BCOR: variants seen among roughly 807,000 people sequenced by gnomAD.
BCOR encodes BCL-6 corepressor.
A neutral mutation model predicts 86.7 loss-of-function variants in BCOR; 10 were observed. The observed-to-expected ratio is 0.12, with a 90% CI of 0.07 to 0.20. BCOR has a LOEUF of 0.20. Among genes scored for constraint, BCOR ranks in the 10% least tolerant of loss-of-function variants. The pLI is 1.00. For synonymous variants in BCOR, 611 were observed against 609.0 expected (o/e 1.00, Z -0.05); for missense variants, 1,259 against 1,452.1 (o/e 0.87, Z 2.16).
chrX:40,053,743 A>G, intron 14 of BCOR, 143 bp downstream of exon 14: 1 of 684,299 alleles, frequency 1.5e-6, no homozygotes, highest in Non-Finnish European at 2.3e-6. Context: ...TTTCTGGAAA[A>G]TATCTACTGC....
chrX:40,156,303 T>A (rs1037178978), intron 1 of BCOR, among the ~76,000 whole-genome samples: 5 of 111,464 alleles, frequency 4.5e-5, no homozygotes, highest in African/African-American at 1.6e-4. Flanking sequence ...CGGACTGGGC[T>A]GAGCCTGGCG....
At chrX:40,139,400 T>TAC (rs1555935919) in intron 1 of BCOR, among the ~76,000 whole-genome samples, 1 of 17,554 alleles carries the variant, frequency 5.7e-5, no homozygotes, top group Admixed American at 1.1e-3. Context: ...TATACATATA[T>TAC]ATATATATAT....
intron 1 of BCOR, among the ~76,000 whole-genome samples, chrX:40,114,940 C>A (rs1289668554): frequency 9.7e-6 from 1 of 102,592 alleles, no homozygotes. Flanking sequence ...GCACGCTCCA[C>A]CTCCCGGGTT....
intron 1 of BCOR, among the ~76,000 whole-genome samples, chrX:40,117,112 C>T (rs12835931): frequency 9.8e-5 from 11 of 112,433 alleles, no homozygotes; most frequent in Admixed American, 6.6e-4. Context: ...GATCTGACAC[C>T]GATGATTAAT....
chrX:40,100,460 G>A (rs1250614594), upstream of BCOR, among the ~76,000 whole-genome samples: 2 of 112,470 alleles, frequency 1.8e-5, no homozygotes, highest in Non-Finnish European at 3.8e-5. Context: ...GTTCGAAGTC[G>A]CATGTAAACG....
At chrX:40,093,942 G>T (rs753731818) in intron 1 of BCOR, among the ~76,000 whole-genome samples, 2 of 111,468 alleles carry the variant, frequency 1.8e-5, no homozygotes, top group African/African-American at 3.3e-5. Context: ...GGTCAAACTA[G>T]ATCATCTAGC....
At chrX:40,071,962 C>A in intron 4 of BCOR, 2 of 391,220 alleles carry the variant, frequency 5.1e-6, no homozygotes, top group Non-Finnish European at 8.8e-6. Context: ...AGACATGCGG[C>A]TGCTACACAT....
chrX:40,129,476 G>A (rs1937580342), intron 1 of BCOR, among the ~76,000 whole-genome samples: 1 of 90,336 alleles, frequency 1.1e-5, no homozygotes, highest in South Asian at 4.7e-4. Flanking sequence ...GTGAGACTCC[G>A]TCTCAAAAAA....
intron 4 of BCOR, 60 bp from the exon 5 acceptor site, chrX:40,071,750 G>A (rs1330427580): frequency 1.3e-5 from 11 of 866,458 alleles, no homozygotes; most frequent in Non-Finnish European, 1.9e-5. Context: ...ATTTTTATAA[G>A]CATAAACCAA....
intron 1 of BCOR, among the ~76,000 whole-genome samples, chrX:40,120,546 C>G (rs1187288583): frequency 8.9e-6 from 1 of 111,809 alleles, no homozygotes; most frequent in Non-Finnish European, 1.9e-5. Context: ...TTCTCACCTA[C>G]GCCATGGCAA....
intron 1 of BCOR, among the ~76,000 whole-genome samples, chrX:40,153,478 T>G (rs1320440723): frequency 8.9e-6 from 1 of 112,001 alleles, no homozygotes; most frequent in Non-Finnish European, 1.9e-5. Flanking sequence ...AAAGCAAATC[T>G]GTCGCTCCTC....
At position 40,094,245 on chromosome X, in the gene BCOR, T is replaced by TC. The variant is rs371459951; in HGVS notation, c.-41+2969dup. Among the ~76,000 whole-genome samples the TC allele has an allele frequency of 3.2e-3, 345 of 108,308 alleles. 1 individual carries two copies. The highest frequency in any genetic ancestry group is 0.01 in the African/African-American group (309 of 29,598). The allele number at this position is 108,308 out of a possible 115,157, so 94.1% of individuals were successfully genotyped here. ...CAGAGTCTGCTGCCATCTCCGCGCC[T>TC]CCCCCCCCTCCAGTCCTTCAGCCGG... On this transcript the variant is annotated intron_variant, in intron 1 of 14. Coordinates refer to ENST00000378444, the MANE Select transcript of BCOR (RefSeq NM_001123385.2).
intron 1 of BCOR, among the ~76,000 whole-genome samples, chrX:40,161,729 G>T (rs1482715072): frequency 2.2e-5 from 2 of 91,562 alleles, no homozygotes; most frequent in African/African-American, 8.2e-5. Flanking sequence ...TAGCCTGGAT[G>T]GTCTGGATCT....
chrX:40,136,514 C>T (rs768075179), intron 1 of BCOR, among the ~76,000 whole-genome samples: 1 of 111,939 alleles, frequency 8.9e-6, no homozygotes, highest in South Asian at 3.7e-4. Context: ...TCTCTGTAGC[C>T]TCACACCCTT....
At chrX:40,121,491 C>A (rs775949608) in intron 1 of BCOR, among the ~76,000 whole-genome samples, 2 of 113,086 alleles carry the variant, frequency 1.8e-5, no homozygotes, top group South Asian at 3.6e-4. Context: ...TCATTTGGTT[C>A]ATTGCAAATT....
chrX:40,064,519 C>G lies in BCOR; in HGVS notation c.3319G>C (p.Val1107Leu). The change falls in exon 7 of 15, where the codon GTG becomes CTG. Residue 1107 changes from valine to leucine, a missense_variant. By Grantham distance (32) the Val-to-Leu change is conservative. Around this residue, in one of 7 missense-constraint regions of BCOR, gnomAD observed 305 missense variants for 286.1 expected, o/e 1.07. Coordinates refer to ENST00000378444, the MANE Select transcript of BCOR (RefSeq NM_001123385.2). Reference sequence around the variant, plus strand: ...GGCTCGCTCACAGGCTGCCTCTCCACAAAGTACTTCTCCACAGGAAGATCT... The same window carrying G: ...GGCTCGCTCACAGGCTGCCTCTCCAGAAAGTACTTCTCCACAGGAAGATCT... ...DKDLPVEKYFVERQPVSEPPA... is the reference protein window; with the variant it reads ...DKDLPVEKYFLERQPVSEPPA... The G allele has an allele frequency of 8.2e-7, 1 of 1,212,126 alleles. No individual in the cohort carries two copies. Among genetic ancestry groups the G allele is most frequent in the Non-Finnish European group, 1.1e-6 (1 of 895,575 alleles).
chrX:40,172,598 G>A (rs976935197), intron 1 of BCOR, among the ~76,000 whole-genome samples: 5 of 112,977 alleles, frequency 4.4e-5, no homozygotes, highest in African/African-American at 1.6e-4. Flanking sequence ...GGGTGTTGAG[G>A]GGAGAGTGAT....
At chrX:40,115,135 A>G (rs1480170203) in intron 1 of BCOR, among the ~76,000 whole-genome samples, 1 of 111,427 alleles carries the variant, frequency 9.0e-6, no homozygotes, top group Non-Finnish European at 1.9e-5. Context: ...TACAGGCGTG[A>G]GCCACTGCGC....
intron 1 of BCOR, among the ~76,000 whole-genome samples, chrX:40,141,503 G>A (rs1346993428): frequency 1.8e-5 from 2 of 112,229 alleles, no homozygotes; most frequent in African/African-American, 6.5e-5. Context: ...GGGCACTTAA[G>A]CTAGCCCCCT....
Sources: gnomAD v4.1 joint callset for allele counts (sites outside exome capture counted in the v4.1 genomes callset) on GRCh38, gnomAD v4.1.1 for gene constraint, gnomAD v4.1.1 regional missense constraint, MANE v1.5 for transcripts, NCBI Gene and HGNC (gene_info 2026-07-23, HGNC 2026-07-21) for gene names.